ZDHHC7: variants seen among roughly 807,000 people sequenced by gnomAD.
The protein encoded by ZDHHC7 is palmitoyltransferase ZDHHC7.
ZDHHC7 carries 12 observed loss-of-function variants against 34.1 expected under a neutral mutation model. That is an observed-to-expected ratio of 0.35 (90% CI 0.23 to 0.57). The LOEUF (loss-of-function observed/expected upper bound fraction) is 0.57. Among genes scored for constraint, ZDHHC7 ranks in the 20% least tolerant of loss-of-function variants. ZDHHC7 has a pLI of 0.84. For missense variants in ZDHHC7, 388 were observed against 402.7 expected, an observed-to-expected ratio of 0.96 and a Z score of 0.31; for synonymous variants, 185 against 155.4, an observed-to-expected ratio of 1.19 and a Z score of -1.42.
intron 3 of ZDHHC7, 30 bp downstream of exon 3, chr16:84,990,274 G>C (rs1567498396): frequency 3.1e-6 from 5 of 1,604,424 alleles, no homozygotes; most frequent in South Asian, 2.2e-5. Flanking sequence ...AGACACAAGA[G>C]AGCCACCCAG....
chr16:84,977,862 T>C (rs2072318163), intron 6 of ZDHHC7, 62 bp downstream of exon 6: 1 of 1,333,356 alleles, frequency 7.5e-7, no homozygotes, highest in Non-Finnish European at 1.1e-6. Context: ...CCTTTAAAGC[T>C]TTCCCCTTTC....
At chr16:84,996,401 G>A (rs574583607) in intron 1 of ZDHHC7, among the ~76,000 whole-genome samples, 1 of 152,210 alleles carries the variant, frequency 6.6e-6, no homozygotes, top group South Asian at 2.1e-4. Context: ...GAGCACTTGA[G>A]GCAGGAGGGG....
At chr16:85,004,193 C>CA (rs964010630) in intron 1 of ZDHHC7, among the ~76,000 whole-genome samples, 13 of 150,384 alleles carry the variant, frequency 8.6e-5, no homozygotes, top group African/African-American at 2.2e-4. Flanking sequence ...ACACCACACC[C>CA]AAAAAAAAAG....
chr16:85,007,542 T>C (rs369603252), intron 1 of ZDHHC7, among the ~76,000 whole-genome samples: 2 of 149,422 alleles, frequency 1.3e-5, no homozygotes, highest in South Asian at 4.2e-4. Flanking sequence ...GAAAAAACAA[T>C]CAAAAAGGCA....
At chr16:85,024,232 T>TG in the ZDHHC7 span, among the ~76,000 whole-genome samples, 5 of 144,646 alleles carry the variant, frequency 3.5e-5, no homozygotes, top group Non-Finnish European at 6.0e-5. Context: ...AGTTTTTTGT[T>TG]TTTTTTTTTT....
intron 1 of ZDHHC7, among the ~76,000 whole-genome samples, chr16:84,997,863 A>T (rs537507446): frequency 3.6e-5 from 5 of 137,528 alleles, no homozygotes; most frequent in Non-Finnish European, 7.8e-5. Flanking sequence ...ACTGCACTCC[A>T]TCCAGCCTGG....
chr16:85,008,953 G>A (rs995535438), intron 1 of ZDHHC7, among the ~76,000 whole-genome samples: 1 of 151,492 alleles, frequency 6.6e-6, no homozygotes, highest in Non-Finnish European at 1.5e-5. Context: ...GCTGAGGCAG[G>A]AGAATCGCTT....
intron 1 of ZDHHC7, among the ~76,000 whole-genome samples, chr16:84,996,214 T>C (rs1020614258): frequency 6.6e-6 from 1 of 152,202 alleles, no homozygotes; most frequent in African/African-American, 2.4e-5. Flanking sequence ...AGTAATTTAT[T>C]TTAAATATTT....
At chr16:85,024,127 A>C in the ZDHHC7 span, among the ~76,000 whole-genome samples, 2 of 151,986 alleles carry the variant, frequency 1.3e-5, no homozygotes, top group Admixed American at 1.3e-4. Flanking sequence ...CATGATGGCC[A>C]GGCTGGTCTC....
intron 3 of ZDHHC7, among the ~76,000 whole-genome samples, chr16:84,985,482 C>G (rs1168342051): frequency 1.3e-5 from 2 of 152,188 alleles, no homozygotes; most frequent in Admixed American, 1.3e-4. Flanking sequence ...ACAGCAAAAC[C>G]CAGTACAGGG....
chr16:85,016,538 C>G, the ZDHHC7 span, among the ~76,000 whole-genome samples: 1 of 152,018 alleles, frequency 6.6e-6, no homozygotes, highest in East Asian at 1.9e-4. Flanking sequence ...TCACTGCAGC[C>G]TCGAACTCCT....
chr16:84,995,088 A>C (rs566820508), intron 2 of ZDHHC7, among the ~76,000 whole-genome samples: 5 of 152,306 alleles, frequency 3.3e-5, no homozygotes, highest in African/African-American at 4.8e-5. Flanking sequence ...TTCTGCACTG[A>C]ATTCCAAAAC....
chr16:85,011,856 C>T (rs900594550), upstream of ZDHHC7, among the ~76,000 whole-genome samples: 1 of 152,192 alleles, frequency 6.6e-6, no homozygotes, highest in Non-Finnish European at 1.5e-5. Context: ...CTCCAGTGGC[C>T]TGTACTATAT....
chr16:85,007,347 T>C (rs1310060081), intron 1 of ZDHHC7, among the ~76,000 whole-genome samples: 1 of 144,344 alleles, frequency 6.9e-6, no homozygotes, highest in Non-Finnish European at 1.5e-5. Flanking sequence ...CGCTTGAACC[T>C]GGGAGGCGGA....
chr16:85,017,375 C>T, the ZDHHC7 span, among the ~76,000 whole-genome samples: 1 of 152,130 alleles, frequency 6.6e-6, no homozygotes, highest in African/African-American at 2.4e-5. Context: ...TGGCCAAACG[C>T]GGAACAACCG....
chr16:85,000,651 A>T (rs1256311846), intron 1 of ZDHHC7, among the ~76,000 whole-genome samples: 3 of 152,316 alleles, frequency 2.0e-5, no homozygotes, highest in South Asian at 4.1e-4. Flanking sequence ...GAATTAAGCA[A>T]ACCTGTTTTA....
intron 1 of ZDHHC7, among the ~76,000 whole-genome samples, chr16:84,997,919 T>C (rs1208176493): frequency 4.0e-5 from 3 of 74,174 alleles, no homozygotes; most frequent in East Asian, 4.2e-4. Context: ...AAAAAAAAAA[T>C]AGAAATGTCC....
intron 3 of ZDHHC7, chr16:84,988,640 G>A (rs1051769171): frequency 8.5e-6 from 7 of 821,062 alleles, no homozygotes; most frequent in South Asian, 6.4e-5. Context: ...CTGGACTGCT[G>A]AGTAGCTGTA....
chr16:85,006,373 C>G (rs893563893), intron 1 of ZDHHC7, among the ~76,000 whole-genome samples: 1 of 151,908 alleles, frequency 6.6e-6, no homozygotes, highest in African/African-American at 2.4e-5. Context: ...AAATTAAAAA[C>G]CTAAATAAAA....
Sources: allele counts gnomAD v4.1 joint callset (sites outside exome capture counted in the v4.1 genomes callset), GRCh38; gene constraint gnomAD v4.1.1; transcripts MANE v1.5; gene names NCBI Gene and HGNC (gene_info 2026-07-23, HGNC 2026-07-21).